EXOC4: variants seen among roughly 807,000 people sequenced by gnomAD.
EXOC4 encodes the protein exocyst complex component 4, also known as SEC8-like 1.
A neutral mutation model predicts 107.2 loss-of-function variants in EXOC4; 71 were observed. The ratio of observed to expected loss-of-function variants is 0.66; its 90% CI spans 0.55 to 0.81. The LOEUF is 0.81. Ranked by LOEUF, EXOC4 falls within the 30% of genes least tolerant of loss-of-function variation. The probability of loss-of-function intolerance (pLI) is 0.00; values close to 1 mark genes in which losing one functional copy is unlikely to be tolerated. For synonymous variants in EXOC4, 456 were observed against 441.2 expected (o/e 1.03, Z -0.42); for missense variants, 1,108 against 1,189.6 (o/e 0.93, Z 1.01).
At chr7:133,529,577 A>G (rs1237731155) in intron 9 of EXOC4, among the ~76,000 whole-genome samples, 1 of 152,302 alleles carries the variant, frequency 6.6e-6, no homozygotes, top group East Asian at 1.9e-4. Context: ...AGAAAGATCT[A>G]AAACCCAATT....
At chr7:133,831,353 A>G (rs895433717) in intron 11 of EXOC4, among the ~76,000 whole-genome samples, 1 of 152,184 alleles carries the variant, frequency 6.6e-6, no homozygotes, top group Admixed American at 6.5e-5. Flanking sequence ...AGTATAAATG[A>G]TTTAGAATGC....
chr7:134,069,229 CTTCTCCTTA>C (rs566470237), downstream of EXOC4, among the ~76,000 whole-genome samples: 3,535 of 151,556 alleles, frequency 0.023, 125 homozygotes, highest in African/African-American at 0.075. Flanking sequence ...TCTCCTTCTT[CTTCTCCTTA>C]TTCTCCTTAT....
chr7:133,923,253 C>A (rs1799979763), intron 13 of EXOC4, among the ~76,000 whole-genome samples: 1 of 151,850 alleles, frequency 6.6e-6, no homozygotes, highest in South Asian at 2.1e-4. Context: ...CTCAGCCTCC[C>A]AAGTAGCTGG....
chr7:133,895,563 G>C lies in EXOC4; in HGVS notation c.1735-36G>C, dbSNP rs770814981. 2.1e-5 allele frequency: 33 copies of C among 1,603,802 alleles called. No homozygotes were observed. The South Asian group carries it at 3.1e-4, about 15-fold the overall frequency. ...TTCCTTGTCCAACACATTGACTACA[G>C]AAATCTCATATCCTCTCTTTGTTGT... is the stretch of plus-strand genomic sequence containing the variant. On this transcript the variant is annotated intron_variant, in intron 11 of 17. Coordinates refer to ENST00000253861, the MANE Select transcript of EXOC4 (RefSeq NM_021807.4).
chr7:133,793,248 G>A (rs1022504271), intron 10 of EXOC4, among the ~76,000 whole-genome samples: 2 of 152,020 alleles, frequency 1.3e-5, no homozygotes, highest in Admixed American at 1.3e-4. Context: ...ATTAATAGAG[G>A]CAATAGTACT....
At chr7:133,677,162 TTG>T (rs937929332) in intron 10 of EXOC4, among the ~76,000 whole-genome samples, 2 of 152,136 alleles carry the variant, frequency 1.3e-5, no homozygotes, top group Non-Finnish European at 2.9e-5. Flanking sequence ...AGTGTCTCCC[TTG>T]TCTCTAATGT....
At chr7:133,825,551 G>A (rs566062784) in intron 11 of EXOC4, among the ~76,000 whole-genome samples, 5 of 152,130 alleles carry the variant, frequency 3.3e-5, no homozygotes, top group Admixed American at 6.5e-5. Flanking sequence ...TAATTATACT[G>A]CTGCCCAAAC....
intron 10 of EXOC4, among the ~76,000 whole-genome samples, chr7:133,632,714 G>T (rs557511868): frequency 6.6e-6 from 1 of 152,016 alleles, no homozygotes; most frequent in East Asian, 1.9e-4. Flanking sequence ...AATATTTATT[G>T]AATACTTATG....
At chr7:133,440,187 A>G (rs1178296072) in intron 7 of EXOC4, among the ~76,000 whole-genome samples, 2 of 152,112 alleles carry the variant, frequency 1.3e-5, no homozygotes, top group African/African-American at 4.8e-5. Flanking sequence ...ATAGTTCTTG[A>G]ACACTACAAT....
At chr7:133,942,213 T>C (rs1005404686) in intron 14 of EXOC4, among the ~76,000 whole-genome samples, 2 of 152,066 alleles carry the variant, frequency 1.3e-5, no homozygotes, top group African/African-American at 4.8e-5. Context: ...ATCTCTGGGA[T>C]TAGAGATTCT....
At chr7:133,583,254 A>G (rs1801321236) in intron 9 of EXOC4, among the ~76,000 whole-genome samples, 1 of 152,100 alleles carries the variant, frequency 6.6e-6, no homozygotes, top group Non-Finnish European at 1.5e-5. Flanking sequence ...CACTAGTCCT[A>G]CACTCTAGCT....
At chr7:133,761,879 C>T (rs1796039904) in intron 10 of EXOC4, among the ~76,000 whole-genome samples, 1 of 152,132 alleles carries the variant, frequency 6.6e-6, no homozygotes, top group Non-Finnish European at 1.5e-5. Context: ...CTGGCTTATG[C>T]CAGTGAAGTG....
At chr7:133,875,983 G>A (rs1798839543) in intron 11 of EXOC4, among the ~76,000 whole-genome samples, 1 of 152,178 alleles carries the variant, frequency 6.6e-6, no homozygotes, top group Admixed American at 6.5e-5. Flanking sequence ...CTGTTTTGCT[G>A]TTGTATTCGA....
intron 10 of EXOC4, among the ~76,000 whole-genome samples, chr7:133,686,685 A>T (rs1444404518): frequency 6.6e-6 from 1 of 152,164 alleles, no homozygotes; most frequent in Admixed American, 6.6e-5. Flanking sequence ...TTACATCTGC[A>T]AGAATGGCCA....
intron 10 of EXOC4, among the ~76,000 whole-genome samples, chr7:133,713,558 A>G (rs1328488650): frequency 6.6e-6 from 1 of 152,212 alleles, no homozygotes; most frequent in Non-Finnish European, 1.5e-5. Context: ...CAAGAAAGGT[A>G]TTTGATATGG....
chr7:133,851,480 G>T (rs145376203), intron 11 of EXOC4, among the ~76,000 whole-genome samples: 48 of 152,332 alleles, frequency 3.2e-4, no homozygotes, highest in African/African-American at 1.1e-3. Context: ...CACTGGCCCT[G>T]CCAGGGTGGC....
intron 6 of EXOC4, among the ~76,000 whole-genome samples, chr7:133,368,487 G>C (rs535528916): frequency 6.6e-6 from 1 of 152,216 alleles, no homozygotes; most frequent in South Asian, 2.1e-4. Flanking sequence ...GATGGTAAAT[G>C]TTAAAGATAC....
At chr7:134,094,074 G>C in the EXOC4 span, among the ~76,000 whole-genome samples, 1 of 152,006 alleles carries the variant, frequency 6.6e-6, no homozygotes, top group Non-Finnish European at 1.5e-5. Flanking sequence ...ACTAAAATCA[G>C]AGCATAACTG....
At chr7:133,684,817 G>T (rs1400627256) in intron 10 of EXOC4, among the ~76,000 whole-genome samples, 4 of 152,138 alleles carry the variant, frequency 2.6e-5, no homozygotes, top group African/African-American at 9.7e-5. Flanking sequence ...GAACCTAGAG[G>T]TCCAAGTTTT....
Sources: allele counts gnomAD v4.1 joint callset (sites outside exome capture counted in the v4.1 genomes callset), GRCh38; gene constraint gnomAD v4.1.1; transcripts MANE v1.5; gene names NCBI Gene and HGNC (gene_info 2026-07-23, HGNC 2026-07-21).